Variants in MYOCD observed in about 807,000 individuals in gnomAD.
The protein encoded by MYOCD is myocardin.
Under a neutral mutation model 96.1 loss-of-function variants are expected in MYOCD, and 32 were observed. The observed-to-expected ratio is 0.33, with a 90% CI of 0.25 to 0.45. The LOEUF (loss-of-function observed/expected upper bound fraction) is 0.45. Among genes scored for constraint, MYOCD ranks in the 20% least tolerant of loss-of-function variants. The pLI is 1.00. For missense variants in MYOCD, 1,133 were observed against 1,200.6 expected (o/e 0.94, Z 0.83); for synonymous variants, 469 against 469.0 (o/e 1.00, Z 0.00).
At chr17:12,747,452 AG>A (rs2150714149) in intron 9 of MYOCD, among the ~76,000 whole-genome samples, 1 of 152,296 alleles carries the variant, frequency 6.6e-6, no homozygotes, top group South Asian at 2.1e-4. Context: ...GGGTACCAGC[AG>A]GACAACCGAG....
At position 12,738,986 on chromosome 17, in the gene MYOCD, CAT is replaced by C. The variant is rs773892166; in HGVS notation, c.592-214_592-213del. Among the ~76,000 whole-genome samples the C allele has an allele frequency of 7.5e-4, 114 of 152,066 alleles. 1 individual carries two copies. Among genetic ancestry groups the C allele is most frequent in the Admixed American group, 2.9e-3 (44 of 15,274 alleles). On this transcript the variant is annotated intron_variant, in intron 6 of 13. Transcript: ENST00000425538. ...ATGTATATATGTATATACACATAAA[CAT>C]ATTTATATGTGTATACACATGTACA...
At chr17:12,711,914 T>C (rs79732552) in intron 2 of MYOCD, among the ~76,000 whole-genome samples, 3,071 of 142,250 alleles carry the variant, frequency 0.022, 149 homozygotes, top group Admixed American at 0.12. Context: ...GGAATTGGGA[T>C]TTCTTTTTTC....
chr17:12,763,744 GAGAATT>G lies in MYOCD; in HGVS notation c.*102_*107del. 2 of 1,090,696 alleles carry G rather than the reference GAGAATT, an allele frequency of 1.8e-6. No homozygotes were observed. Among genetic ancestry groups the G allele is most frequent in the Non-Finnish European group, 2.6e-6 (2 of 776,520 alleles). The allele number at this position is 1,090,696 out of a possible 1,614,324, so 67.6% of individuals were successfully genotyped here. On this transcript the variant is annotated 3_prime_UTR_variant, in exon 14 of 14. Transcript: ENST00000425538. Reference sequence around the variant, plus strand: ...CTGTCCAAAAACAGAAGAAGAAGAAGAGAATTAAAAAGAAGCAATGATTTCTGTGCC... The same window carrying G: ...CTGTCCAAAAACAGAAGAAGAAGAAGAAAAAGAAGCAATGATTTCTGTGCC...
chr17:12,753,351 G>A lies in MYOCD; in HGVS notation c.2058+5G>A. On this transcript the variant is annotated splice_donor_5th_base_variant and intron_variant, in intron 10 of 13. Transcript: ENST00000425538. ...AGCCAGGTGTGCACTGCACAGGTAAGAGCACCTTGCGCCATGCCTGGTGCA... is the reference window on the plus strand; with the variant it reads ...AGCCAGGTGTGCACTGCACAGGTAAAAGCACCTTGCGCCATGCCTGGTGCA... 6.4e-7 allele frequency: 1 copy of A among 1,556,300 alleles called. No homozygotes were observed. The highest frequency in any genetic ancestry group is 8.7e-7 in the Non-Finnish European group (1 of 1,151,602).
Position 12,753,247 on chromosome 17 carries a change from A to G in MYOCD, c.1959A>G (p.Pro653=). 1 of 1,614,110 alleles carries G rather than the reference A, an allele frequency of 6.2e-7. No homozygotes were observed. Among genetic ancestry groups the G allele is most frequent in the East Asian group, 2.2e-5 (1 of 44,874 alleles). Residue 653 remains proline (P), a synonymous_variant, in exon 10 of 14, where the codon CCA becomes CCG. Transcript: ENST00000425538. The part of the protein sequence containing the change: ...VKSPQHISLP[P]SPNNPHFLPS... ...GCCCACAGCACATCAGTTTGCCCCC[A>G]TCACCCAACAACCCTCACTTTCTGC...
intron 13 of MYOCD, chr17:12,761,117 C>A (rs1199939193): frequency 6.0e-6 from 1 of 166,134 alleles, no homozygotes; most frequent in Non-Finnish European, 1.3e-5. Flanking sequence ...CAACCTTCCA[C>A]TGGATGGTTC....
At position 12,752,479 on chromosome 17, in the gene MYOCD, C is replaced by A. The variant is rs776196150; in HGVS notation, c.1191C>A (p.Leu397=). ...GLPVSGTKTA[L]MDRLRPFQDC... ...CTGTGTCAGGCACCAAAACGGCTCT[C>A]ATGGACCGGCTTCGACCCTTCCAGG... is the stretch of plus-strand genomic sequence containing the variant. The change falls in exon 10 of 14, where the codon CTC becomes CTA. Residue 397 remains leucine (L), a synonymous_variant. Coordinates refer to ENST00000425538, the MANE Select transcript of MYOCD (RefSeq NM_001146312.3). 3 of 1,614,194 alleles carry A rather than the reference C, an allele frequency of 1.9e-6. No individual in the cohort carries two copies. Among genetic ancestry groups the A allele is most frequent in the East Asian group, 4.5e-5 (2 of 44,886 alleles).
intron 2 of MYOCD, among the ~76,000 whole-genome samples, chr17:12,714,256 C>T (rs962207009): frequency 6.6e-5 from 10 of 151,246 alleles, no homozygotes; most frequent in Admixed American, 1.3e-4. Context: ...TCTGCTTGAT[C>T]TCCAGCAAAC....
chr17:12,736,308 C>T lies in MYOCD; in HGVS notation c.563C>T (p.Pro188Leu). Residue 188 changes from proline (P) to leucine (L), a missense_variant, in exon 6 of 14, where the codon CCT becomes CTT. Coordinates refer to ENST00000425538, the MANE Select transcript of MYOCD (RefSeq NM_001146312.3). Reference protein sequence around the residue: ...SPPDAKASDTPSTGSLGTNQD... With the variant: ...SPPDAKASDTLSTGSLGTNQD... ...CCAGACGCTAAAGCCTCAGATACCCCTTCGACAGGTTCTCTGGGGACAAAC... is the reference window on the plus strand; with the variant it reads ...CCAGACGCTAAAGCCTCAGATACCCTTTCGACAGGTTCTCTGGGGACAAAC... 1.2e-6 allele frequency: 2 copies of T among 1,614,066 alleles called. No homozygotes were observed. Among genetic ancestry groups the T allele is most frequent in the Non-Finnish European group, 1.7e-6 (2 of 1,180,006 alleles).
At chr17:12,746,301 G>T (rs1456829105) in intron 9 of MYOCD, among the ~76,000 whole-genome samples, 1 of 152,128 alleles carries the variant, frequency 6.6e-6, no homozygotes, top group Admixed American at 6.6e-5. Context: ...AATTTGAAAA[G>T]AAAAGGAATT....
Position 12,763,594 on chromosome 17 carries a change from A to G in MYOCD, c.2911A>G (p.Thr971Ala). The G allele has an allele frequency of 6.2e-7, 1 of 1,614,078 alleles. No individual in the cohort carries two copies. Among genetic ancestry groups the G allele is most frequent in the African/African-American group, 1.3e-5 (1 of 75,052 alleles). ...SIFNIDFLDV[T>A]DLNLNSSMDL... is the part of the protein sequence containing the mutation. Reference sequence around the variant, plus strand: ...CTTCAACATCGATTTCCTGGATGTCACTGATCTCAATTTGAATTCTTCCAT... The same window carrying G: ...CTTCAACATCGATTTCCTGGATGTCGCTGATCTCAATTTGAATTCTTCCAT... The change falls in exon 14 of 14, where the codon ACT becomes GCT. Residue 971 changes from threonine to alanine, a missense_variant. Coordinates refer to ENST00000425538, the MANE Select transcript of MYOCD (RefSeq NM_001146312.3).
At chr17:12,699,287 G>A (rs1265208487) in intron 1 of MYOCD, among the ~76,000 whole-genome samples, 3 of 152,012 alleles carry the variant, frequency 2.0e-5, no homozygotes, top group Admixed American at 2.0e-4. Flanking sequence ...ACCATGCCCT[G>A]CTAAGTTTTG....
At chr17:12,687,923 G>C (rs2150650762) in intron 1 of MYOCD, among the ~76,000 whole-genome samples, 1 of 152,324 alleles carries the variant, frequency 6.6e-6, no homozygotes, top group African/African-American at 2.4e-5. Flanking sequence ...AATGGGTAAG[G>C]ATGATGCTTT....
intron 13 of MYOCD, chr17:12,762,493 G>T (rs2033204581): frequency 6.6e-6 from 1 of 152,402 alleles, no homozygotes; most frequent in African/African-American, 2.4e-5. Context: ...GGAATCACTG[G>T]AGTTGAGGAG....
chr17:12,758,393 T>C, intron 12 of MYOCD, 180 bp downstream of exon 12: 1 of 955,200 alleles, frequency 1.0e-6, no homozygotes, highest in Non-Finnish European at 1.5e-6. Flanking sequence ...TGTGTAGCTG[T>C]GTGAGGCAGG....
At chr17:12,745,762 G>A (rs924443580) in intron 8 of MYOCD, among the ~76,000 whole-genome samples, 157 bp from the exon 9 acceptor site, 12 of 152,080 alleles carry the variant, frequency 7.9e-5, no homozygotes, top group Admixed American at 3.3e-4. Flanking sequence ...ACCGCTTACC[G>A]TCTAGCCGGC....
intron 7 of MYOCD, among the ~76,000 whole-genome samples, chr17:12,740,641 A>C (rs898833346): frequency 6.6e-6 from 1 of 152,172 alleles, no homozygotes; most frequent in Admixed American, 6.5e-5. Context: ...CCAGCATCGC[A>C]TCTCACAGTA....
At chr17:12,722,759 T>G in intron 4 of MYOCD, 88 bp from the exon 5 acceptor site, 2 of 1,072,950 alleles carry the variant, frequency 1.9e-6, no homozygotes, top group Non-Finnish European at 2.7e-6. Context: ...TGTGACACAA[T>G]CGTTTGTAAC....
intron 5 of MYOCD, among the ~76,000 whole-genome samples, chr17:12,731,345 G>A (rs1188499540): frequency 6.6e-6 from 1 of 152,136 alleles, no homozygotes; most frequent in African/African-American, 2.4e-5. Flanking sequence ...TCTGAGGAAG[G>A]GCCGCCTTTG....
Sources: allele counts gnomAD v4.1 joint callset (sites outside exome capture counted in the v4.1 genomes callset), GRCh38; gene constraint gnomAD v4.1.1; transcripts MANE v1.5; gene names NCBI Gene and HGNC (gene_info 2026-07-23, HGNC 2026-07-21).